The following PCDHA5 variants were observed in gnomAD, a reference collection of about 807,000 sequenced individuals.
PCDHA5 encodes the protein protocadherin alpha-5.
A neutral mutation model predicts 61.6 loss-of-function variants in PCDHA5; 43 were observed. The observed-to-expected ratio is 0.70, with a 90% CI of 0.55 to 0.90. The LOEUF (loss-of-function observed/expected upper bound fraction) is 0.90, where lower values mean the gene tolerates loss of function less well. PCDHA5 is among the 40% of genes least tolerant of loss of function. The pLI is 0.00. For synonymous variants in PCDHA5, 627 were observed against 543.9 expected (o/e 1.15, Z -2.13); for missense variants, 1,298 against 1,222.7 (o/e 1.06, Z -0.92).
At chr5:140,996,226 G>C (rs2097717630) in intron 3 of PCDHA5, among the ~76,000 whole-genome samples, 1 of 152,196 alleles carries the variant, frequency 6.6e-6, no homozygotes, top group South Asian at 2.1e-4. Context: ...GTCTAGAAAT[G>C]GTTGCTCAAG....
At chr5:140,951,822 C>T (rs926525028) in intron 1 of PCDHA5, among the ~76,000 whole-genome samples, 11 of 152,152 alleles carry the variant, frequency 7.2e-5, no homozygotes, top group African/African-American at 2.7e-4. Flanking sequence ...AAAGTCTGAA[C>T]TCATTCCAGC....
rs2150519763 is a variant in PCDHA5 at position 140,852,589 on chromosome 5, T to A, written c.2352+28462T>A. The A allele has an allele frequency of 2.2e-3, 1,950 of 884,634 alleles. 113 individuals are homozygous for A. Among genetic ancestry groups the A allele is most frequent in the South Asian group, 8.1e-3 (160 of 19,680 alleles). 54.8% of individuals were successfully genotyped at this position (884,634 alleles called of 1,614,324 possible). A position where few individuals can be genotyped will look rare whatever the true frequency, so the allele number is the denominator to read the frequency against. On this transcript the variant is annotated intron_variant, in intron 1 of 3. Coordinates refer to ENST00000529859, the MANE Select transcript of PCDHA5 (RefSeq NM_018908.3). Reference sequence around the variant, plus strand: ...CTGTGCCAAGGCTTTTTTATTTTTTTTTTTTGTCATTTTCTTTCAAAACTT... The same window carrying A: ...CTGTGCCAAGGCTTTTTTATTTTTTATTTTTGTCATTTTCTTTCAAAACTT...
Position 140,999,523 on chromosome 5 carries a change from C to A in PCDHA5, c.2501-10104C>A, listed in dbSNP as rs115576128. On this transcript the variant is annotated intron_variant, in intron 3 of 3. Coordinates refer to ENST00000529859, the MANE Select transcript of PCDHA5 (RefSeq NM_018908.3). ...AACCTACATTTTAAGCATTTTGTTA[C>A]CCCCTGGATATGACAGCCAATGAAG... is the stretch of plus-strand genomic sequence containing the variant. Among the ~76,000 whole-genome samples, 464 of 152,142 alleles carry A rather than the reference C, an allele frequency of 3.0e-3. 6 individuals carry two copies. Among genetic ancestry groups the A allele is most frequent in the Middle Eastern group, 0.01 (3 of 294 alleles).
intron 1 of PCDHA5, chr5:140,830,318 A>G: frequency 6.2e-7 from 1 of 1,613,956 alleles, no homozygotes; most frequent in Non-Finnish European, 8.5e-7. Context: ...GGTGTGCTCC[A>G]GCGCAGTGGG....
At position 140,828,503 on chromosome 5, in the gene PCDHA5, C is replaced by G. The variant is rs1165644843; in HGVS notation, c.2352+4376C>G. ...CCCGCCCTTGTTCCCGGTAGAGGAA[C>G]AAAGAGTGCTGATTTACGAATCTAG... On this transcript the variant is annotated intron_variant, in intron 1 of 3. Coordinates refer to ENST00000529859, the MANE Select transcript of PCDHA5 (RefSeq NM_018908.3). 1.5e-5 allele frequency: 25 copies of G among 1,614,120 alleles called. No homozygotes were observed. In the Admixed American group the frequency reaches 3.7e-4, roughly 24 times the overall value.
At chr5:140,918,241 G>C (rs1241592397) in intron 1 of PCDHA5, among the ~76,000 whole-genome samples, 4 of 152,162 alleles carry the variant, frequency 2.6e-5, no homozygotes, top group Admixed American at 1.3e-4. Flanking sequence ...CATTGATTTT[G>C]TATGCTGAAA....
intron 3 of PCDHA5, among the ~76,000 whole-genome samples, chr5:140,999,070 T>A (rs930538088): frequency 6.1e-4 from 93 of 152,328 alleles, no homozygotes; most frequent in African/African-American, 2.1e-3. Context: ...GTAGTCTCCT[T>A]CACTTCCTCC....
chr5:140,843,424 C>A (rs1266105482), intron 1 of PCDHA5: 2 of 1,596,008 alleles, frequency 1.3e-6, no homozygotes, highest in Non-Finnish European at 1.7e-6. Flanking sequence ...TGTACCTGAT[C>A]ATCGCCATCT....
intron 1 of PCDHA5, chr5:140,927,414 A>T: frequency 6.2e-7 from 1 of 1,614,114 alleles, no homozygotes; most frequent in South Asian, 1.1e-5. Context: ...TGGACATGGG[A>T]TCGCGGGTTG....
intron 1 of PCDHA5, among the ~76,000 whole-genome samples, chr5:140,932,192 TTC>T (rs2088100364): frequency 6.6e-6 from 1 of 151,968 alleles, no homozygotes. Context: ...GTCCATTTTT[TTC>T]TGTTAATATT....
intron 1 of PCDHA5, chr5:140,868,284 G>A (rs1554161873): frequency 6.6e-6 from 1 of 152,004 alleles, no homozygotes; most frequent in Non-Finnish European, 1.5e-5. Flanking sequence ...TACCAAGTTT[G>A]AGAATATGAA....
intron 1 of PCDHA5, chr5:140,876,573 C>G: frequency 1.9e-6 from 3 of 1,614,152 alleles, no homozygotes; most frequent in African/African-American, 1.3e-5. Flanking sequence ...AGGTGGGTAC[C>G]GTCATTGCCC....
At position 140,840,851 on chromosome 5, in the gene PCDHA5, A is replaced by G. The variant is rs2150309706; in HGVS notation, c.2352+16724A>G. On this transcript the variant is annotated intron_variant, in intron 1 of 3. Coordinates refer to ENST00000529859, the MANE Select transcript of PCDHA5 (RefSeq NM_018908.3). ...AAATAAATATTAATGCATTTCTTCC[A>G]CACGAAACTATGGAGGACAGTTTAC... is the stretch of plus-strand genomic sequence containing the variant. Among the ~76,000 whole-genome samples the G allele has an allele frequency of 2.2e-4, 34 of 152,166 alleles. 1 individual carries two copies. The highest frequency in any genetic ancestry group is 1.5e-5 in the Non-Finnish European group (1 of 68,006).
chr5:140,853,929 G>GATTGC, intron 1 of PCDHA5: 1 of 896,830 alleles, frequency 1.1e-6, no homozygotes, highest in Non-Finnish European at 1.4e-6. Context: ...AACATTTTGG[G>GATTGC]AGGCCAAGGT....
intron 1 of PCDHA5, among the ~76,000 whole-genome samples, chr5:140,844,595 AT>A (rs1205514835): frequency 1.2e-4 from 18 of 149,668 alleles, no homozygotes; most frequent in Middle Eastern, 3.5e-3. Context: ...GATATTTAAT[AT>A]ATGACTTAGA....
At chr5:140,871,219 G>A in intron 1 of PCDHA5, 1 of 1,613,872 alleles carries the variant, frequency 6.2e-7, no homozygotes, top group African/African-American at 1.3e-5. Flanking sequence ...CATCTGCGTG[G>A]TGTCCAGCCT....
chr5:140,837,936 C>T (rs1775324254), intron 1 of PCDHA5, among the ~76,000 whole-genome samples: 1 of 151,834 alleles, frequency 6.6e-6, no homozygotes, highest in Non-Finnish European at 1.5e-5. Context: ...ACCTTGGCCT[C>T]CCAAAGTATT....
At chr5:140,830,250 C>G (rs2150183440) in intron 1 of PCDHA5, 3 of 1,613,904 alleles carry the variant, frequency 1.9e-6, no homozygotes, top group Admixed American at 1.7e-5. Flanking sequence ...CTGTACACAG[C>G]GCTGCGGTGC....
In PCDHA5 at chr5:140,876,844, C is replaced by A. The variant is rs200154646; in HGVS notation, c.2352+52717C>A. ...CGACAATGCGCCTGCGTTCGCGCAGCCCGAGTACACAGTGTTCGTGAAGGA... is the reference window on the plus strand; with the variant it reads ...CGACAATGCGCCTGCGTTCGCGCAGACCGAGTACACAGTGTTCGTGAAGGA... On this transcript the variant is annotated intron_variant, in intron 1 of 3. Coordinates refer to ENST00000529859, the MANE Select transcript of PCDHA5 (RefSeq NM_018908.3). The A allele has an allele frequency of 3.6e-5, 58 of 1,614,134 alleles. No homozygotes were observed. In the East Asian group the frequency reaches 1.2e-3, roughly 32 times the overall value.
Sources: allele counts gnomAD v4.1 joint callset (sites outside exome capture counted in the v4.1 genomes callset), GRCh38; gene constraint gnomAD v4.1.1; transcripts MANE v1.5; gene names NCBI Gene and HGNC (gene_info 2026-07-23, HGNC 2026-07-21).